The following PPFIA2 variants were observed in gnomAD, a reference collection of about 807,000 sequenced individuals.
PPFIA2 encodes liprin-alpha-2.
PPFIA2 carries 46 observed loss-of-function variants against 175.5 expected under a neutral mutation model. That is an observed-to-expected ratio of 0.26 (90% confidence interval 0.21 to 0.34). The LOEUF is 0.34. Among genes scored for constraint, PPFIA2 ranks in the 10% least tolerant of loss-of-function variants. The probability of loss-of-function intolerance (pLI) is 1.00; values close to 1 mark genes in which losing one functional copy is unlikely to be tolerated. For missense variants in PPFIA2, 1,179 were observed against 1,506.1 expected (o/e 0.78, Z 3.60); for synonymous variants, 568 against 511.4 (o/e 1.11, Z -1.49).
chr12:81,538,047 A>G (rs578230235), intron 4 of PPFIA2, among the ~76,000 whole-genome samples: 1 of 152,036 alleles, frequency 6.6e-6, no homozygotes, highest in South Asian at 2.1e-4. Context: ...CTCACAGTAT[A>G]GTAGGTGAGA....
chr12:81,584,794 TAATATATATATTTATTATATAC>T (rs1420900041), intron 4 of PPFIA2, among the ~76,000 whole-genome samples: 1 of 133,494 alleles, frequency 7.5e-6, no homozygotes, highest in Non-Finnish European at 1.5e-5. Context: ...GCATTATATA[TAATATATATATTTATTATATAC>T]AATAAATTTA....
Position 81,661,071 on chromosome 12 carries a change from C to A in PPFIA2, c.303+15720G>T, listed in dbSNP as rs1408032289. 3.3e-5 allele frequency among the ~76,000 whole-genome samples: 5 copies of A among 152,264 alleles called. No homozygotes were observed. In the East Asian group the frequency reaches 7.7e-4, roughly 24 times the overall value. ...AGCACTAAACATGGAAAGGAACAAC[C>A]AGTAACAGCCACTGCAAAAACATGC... On this transcript the variant is annotated intron_variant, in intron 4 of 32. Transcript: ENST00000549396.
At chr12:81,536,848 A>AT (rs935065968) in intron 4 of PPFIA2, among the ~76,000 whole-genome samples, 38 of 143,360 alleles carry the variant, frequency 2.7e-4, no homozygotes, top group South Asian at 4.4e-4. Context: ...GAAATGAAGA[A>AT]TTTTTTTTTT....
At chr12:81,567,536 C>G (rs2071590352) in intron 4 of PPFIA2, among the ~76,000 whole-genome samples, 1 of 152,104 alleles carries the variant, frequency 6.6e-6, no homozygotes, top group Non-Finnish European at 1.5e-5. Flanking sequence ...TGACTAAACT[C>G]CTGACTCCAG....
intron 4 of PPFIA2, among the ~76,000 whole-genome samples, chr12:81,580,557 AAATAT>A (rs1364306379): frequency 6.6e-6 from 1 of 151,472 alleles, no homozygotes; most frequent in Non-Finnish European, 1.5e-5. Flanking sequence ...AAATATAAAT[AAATAT>A]ATTTTAAATT....
intron 22 of PPFIA2, 125 bp from the exon 23 acceptor site, chr12:81,299,507 T>C (rs1037711223): frequency 1.6e-6 from 2 of 1,268,520 alleles, no homozygotes; most frequent in Non-Finnish European, 2.1e-6. Context: ...CAATATAGAA[T>C]AACAGAATTC....
intron 4 of PPFIA2, among the ~76,000 whole-genome samples, chr12:81,494,046 G>A (rs1219595860): frequency 6.6e-6 from 1 of 151,894 alleles, no homozygotes; most frequent in Non-Finnish European, 1.5e-5. Flanking sequence ...AGGACTTCAT[G>A]TCTAAAACAC....
chr12:81,447,495 T>C (rs960929727), intron 5 of PPFIA2, among the ~76,000 whole-genome samples: 1 of 152,166 alleles, frequency 6.6e-6, no homozygotes, highest in East Asian at 1.9e-4. Flanking sequence ...TTCTCATTCT[T>C]TAAGTCTCAG....
In PPFIA2 at chr12:81,312,153, A is replaced by G. The variant is rs1566075785; in HGVS notation, c.2643-12771T>C. 2.6e-6 allele frequency: 4 copies of G among 1,535,068 alleles called. No individual in the cohort carries two copies. In the Admixed American group the frequency reaches 7.8e-5, roughly 30 times the overall value. ...ACATGTTCAGCAGCCATTGTGATTC[A>G]ACTTACCCAGATGTGCTTTTCATGA... On this transcript the variant is annotated intron_variant, in intron 22 of 32. Coordinates refer to ENST00000549396, the MANE Select transcript of PPFIA2 (RefSeq NM_003625.5).
At chr12:81,622,736 C>T (rs150189142) in intron 4 of PPFIA2, among the ~76,000 whole-genome samples, 90 of 152,158 alleles carry the variant, frequency 5.9e-4, no homozygotes, top group African/African-American at 2.0e-3. Flanking sequence ...AAACCTGAAC[C>T]CAACAGAATA....
chr12:81,566,532 A>C (rs1358027406), intron 4 of PPFIA2, among the ~76,000 whole-genome samples: 3 of 61,804 alleles, frequency 4.9e-5, no homozygotes, highest in Admixed American at 3.2e-4. Context: ...CTCCAACTCA[A>C]AAAAAAAAAA....
chr12:81,306,313 G>T (rs2049134811), intron 22 of PPFIA2, among the ~76,000 whole-genome samples: 1 of 151,984 alleles, frequency 6.6e-6, no homozygotes, highest in African/African-American at 2.4e-5. Flanking sequence ...TGATTCCTTT[G>T]CCTGTCCTTT....
chr12:81,720,983 T>C (rs1473571902), intron 3 of PPFIA2, among the ~76,000 whole-genome samples: 1 of 150,274 alleles, frequency 6.7e-6, no homozygotes, highest in Non-Finnish European at 1.5e-5. Context: ...TCAGTTAAAA[T>C]CGGCACATAA....
At chr12:81,597,747 T>C (rs1332604671) in intron 4 of PPFIA2, among the ~76,000 whole-genome samples, 3 of 150,400 alleles carry the variant, frequency 2.0e-5, no homozygotes, top group Non-Finnish European at 3.0e-5. Flanking sequence ...GTTCACTATT[T>C]TTTTTTTTAA....
intron 4 of PPFIA2, among the ~76,000 whole-genome samples, chr12:81,573,978 C>T (rs1315260555): frequency 6.6e-6 from 1 of 151,900 alleles, no homozygotes; most frequent in Non-Finnish European, 1.5e-5. Flanking sequence ...CATTGACTTT[C>T]ACCCTGTTAT....
chr12:81,535,597 G>A, intron 4 of PPFIA2: 1 of 371,490 alleles, frequency 2.7e-6, no homozygotes, highest in Non-Finnish European at 5.3e-6. Flanking sequence ...AGGGAGGAAG[G>A]AAAAAAGTTC....
intron 27 of PPFIA2, among the ~76,000 whole-genome samples, chr12:81,281,053 A>T (rs1031405467): frequency 2.6e-5 from 4 of 152,102 alleles, no homozygotes; most frequent in Non-Finnish European, 5.9e-5. Context: ...AACTTTGGGC[A>T]CATAATATGC....
chr12:81,675,440 A>G (rs2072321156), intron 4 of PPFIA2: 1 of 152,050 alleles, frequency 6.6e-6, no homozygotes, highest in Non-Finnish European at 1.5e-5. Flanking sequence ...ATGACAAACT[A>G]ACTTATTTTA....
At chr12:81,280,434 C>A (rs531758559) in intron 27 of PPFIA2, among the ~76,000 whole-genome samples, 224 of 152,174 alleles carry the variant, frequency 1.5e-3, no homozygotes, top group Non-Finnish European at 1.4e-3. Context: ...TTTATGTCAT[C>A]AACATATCTA....
Sources: allele counts gnomAD v4.1 joint callset (sites outside exome capture counted in the v4.1 genomes callset), GRCh38; gene constraint gnomAD v4.1.1; transcripts MANE v1.5; gene names NCBI Gene and HGNC (gene_info 2026-07-23, HGNC 2026-07-21).